The following KYAT1 variants were observed in gnomAD, a reference collection of about 807,000 sequenced individuals.
KYAT1 encodes kynurenine--oxoglutarate transaminase 1.
KYAT1 carries 47 observed loss-of-function variants against 52.4 expected under a neutral mutation model. The observed-to-expected ratio is 0.90, with a 90% CI of 0.71 to 1.14. The LOEUF is 1.14. Among genes scored for constraint, KYAT1 ranks in the 50% most tolerant of loss-of-function variants. The probability of loss-of-function intolerance (pLI) is 0.00; values close to 1 mark genes in which losing one functional copy is unlikely to be tolerated. For missense variants in KYAT1, 480 were observed against 557.9 expected (o/e 0.86, Z 1.41); for synonymous variants, 212 against 209.6 (o/e 1.01, Z -0.10).
At chr9:128,878,710 G>A (rs571142800) in intron 1 of KYAT1, among the ~76,000 whole-genome samples, 2 of 152,232 alleles carry the variant, frequency 1.3e-5, no homozygotes, top group East Asian at 1.9e-4. Context: ...GAGTCCAGAC[G>A]GCAGGTTTAC....
At position 128,835,845 on chromosome 9, in the gene KYAT1, ATCTGG is replaced by A; in HGVS notation, c.784_788del (p.Pro262SerfsTer30). ...CGGTCCGCAGGTGCTTCATGATGTG[ATCTGG>A]ACCCAGGACCCAGCCCACCTGCAGC... On this transcript the variant is annotated frameshift_variant, in exon 9 of 13. Transcript: ENST00000302586. LOFTEE classifies it high-confidence loss of function. 1.2e-6 allele frequency: 2 copies of A among 1,613,978 alleles called. No individual in the cohort carries two copies. The highest frequency in any genetic ancestry group is 2.2e-5 in the East Asian group (1 of 44,856).
chr9:128,861,972 G>A (rs868033100), intron 1 of KYAT1, among the ~76,000 whole-genome samples: 4 of 152,186 alleles, frequency 2.6e-5, no homozygotes, highest in Admixed American at 6.5e-5. Context: ...ACTACAGGAG[G>A]AGCTGGATTT....
intron 1 of KYAT1, among the ~76,000 whole-genome samples, chr9:128,873,525 T>G (rs751579348): frequency 1.3e-5 from 2 of 152,026 alleles, no homozygotes; most frequent in South Asian, 4.1e-4. Flanking sequence ...ATCCCAGCAC[T>G]TTGGGAGGCC....
chr9:128,846,784 G>A, intron 1 of KYAT1: 11 of 1,535,524 alleles, frequency 7.2e-6, no homozygotes, highest in Non-Finnish European at 8.7e-6. Flanking sequence ...GGAACCTTCC[G>A]TTCCTGTGGG....
At chr9:128,849,370 C>T (rs1172206294) in intron 1 of KYAT1, among the ~76,000 whole-genome samples, 1 of 128,876 alleles carries the variant, frequency 7.8e-6, no homozygotes, top group Non-Finnish European at 1.6e-5. Context: ...GAGATCACAC[C>T]ACTGCACTCC....
intron 1 of KYAT1, among the ~76,000 whole-genome samples, chr9:128,861,971 G>A (rs1835518059): frequency 6.6e-6 from 1 of 152,206 alleles, no homozygotes. Flanking sequence ...GACTACAGGA[G>A]GAGCTGGATT....
At position 128,837,728 on chromosome 9, in the gene KYAT1, G is replaced by C. The variant is rs756041155; in HGVS notation, c.524C>G (p.Thr175Ser). Residue 175 changes from threonine to serine, a missense_variant, in exon 6 of 13, where the codon ACC becomes AGC. By Grantham distance (58) the Thr-to-Ser change is moderately conservative. Transcript: ENST00000302586. ...MELAGKFTSR[T>S]KALVLNTPNN... ...GGGGGTGTTGAGGACCAGGGCTTTGGTGCGTGATGTGAATTTGCCGGCCAG... is the reference window on the plus strand; with the variant it reads ...GGGGGTGTTGAGGACCAGGGCTTTGCTGCGTGATGTGAATTTGCCGGCCAG... 4.3e-6 allele frequency: 7 copies of C among 1,614,142 alleles called. No individual in the cohort carries two copies. Among genetic ancestry groups the C allele is most frequent in the Non-Finnish European group, 5.9e-6 (7 of 1,180,024 alleles).
Position 128,835,356 on chromosome 9 carries a change from G to A in KYAT1, c.1089C>T (p.Asp363=). ...DLPGAVDEPY[D]RRFVKWMIKN... ...TGATCATCCACTTGACGAAGCGTCT[G>A]TCATAGGGCTCATCCACAGCTCCAG... The change falls in exon 11 of 13, where the codon GAC becomes GAT. Residue 363 remains aspartate, a synonymous_variant. Transcript: ENST00000302586. The A allele has an allele frequency of 6.2e-7, 1 of 1,613,964 alleles. No homozygotes were observed. The highest frequency in any genetic ancestry group is 8.5e-7 in the Non-Finnish European group (1 of 1,179,986).
At chr9:128,862,775 G>A (rs889237867) in intron 1 of KYAT1, among the ~76,000 whole-genome samples, 2 of 152,158 alleles carry the variant, frequency 1.3e-5, no homozygotes, top group African/African-American at 4.8e-5. Flanking sequence ...CAGTGCATCG[G>A]GCCTATGTGT....
intron 1 of KYAT1, among the ~76,000 whole-genome samples, chr9:128,862,578 C>T (rs575789886): frequency 2.0e-5 from 3 of 152,372 alleles, no homozygotes; most frequent in Non-Finnish European, 4.4e-5. Context: ...CCAGCCTTGG[C>T]CCCTTGCCTT....
At position 128,835,684 on chromosome 9, in the gene KYAT1, G is replaced by C. The variant is rs1830938489; in HGVS notation, c.856-17C>G. 1 of 1,608,312 alleles carries C rather than the reference G, an allele frequency of 6.2e-7. No homozygotes were observed. Among genetic ancestry groups the C allele is most frequent in the Admixed American group, 1.7e-5 (1 of 59,850 alleles). On this transcript the variant is annotated splice_polypyrimidine_tract_variant and intron_variant, in intron 9 of 12. Transcript: ENST00000302586. ...TACTGCAGCCTGGGCAGGGCAGATG[G>C]ACACACAGATAGATCAGCTGTTCCC...
chr9:128,837,920 CT>C (rs1220633155), intron 5 of KYAT1, 107 bp from the exon 6 acceptor site: 1 of 1,473,690 alleles, frequency 6.8e-7, no homozygotes, highest in Non-Finnish European at 9.5e-7. Context: ...ACACACACAC[CT>C]CCCCTCTGCC....
At chr9:128,845,492 G>T in intron 1 of KYAT1, 81 bp from the exon 2 acceptor site, 1 of 1,327,570 alleles carries the variant, frequency 7.5e-7, no homozygotes. Flanking sequence ...AGGGACAGCT[G>T]CTTTCAGGCC....
intron 10 of KYAT1, 34 bp downstream of exon 10, chr9:128,835,447 C>G: frequency 6.2e-7 from 1 of 1,613,842 alleles, no homozygotes; most frequent in Non-Finnish European, 8.5e-7. Context: ...CCTCCAGCCC[C>G]TGCGCCCTGC....
At chr9:128,863,755 C>A (rs1053388390) in intron 1 of KYAT1, among the ~76,000 whole-genome samples, 7 of 152,162 alleles carry the variant, frequency 4.6e-5, no homozygotes, top group African/African-American at 9.6e-5. Context: ...GCAGGGGGCG[C>A]AAGGAGCCAG....
rs768728530 is a variant in KYAT1, at chr9:128,836,804, A to G, written c.686T>C (p.Ile229Thr). The G allele has an allele frequency of 1.2e-5, 20 of 1,613,268 alleles. No individual in the cohort carries two copies. In the Admixed American group the frequency reaches 1.8e-4, roughly 15 times the overall value. The change falls in exon 7 of 13, where the codon ATT (isoleucine) becomes ACT (threonine). Residue 229 changes from isoleucine (I) to threonine (T), a missense_variant and splice_region_variant. Physicochemically the swap from Ile to Thr is moderately conservative, Grantham distance 89. Transcript: ENST00000302586. The part of the protein sequence containing the change: ...MVYDGHQHIS[I>T]ASLPGMWERT... ...GGCCCCAGGCTGGCTTGGCTCACCA[A>G]TGCTGATGTGCTGGTGCCCGTCGTA...
At chr9:128,847,812 C>G (rs553186062) in intron 1 of KYAT1, among the ~76,000 whole-genome samples, 58 of 152,234 alleles carry the variant, frequency 3.8e-4, no homozygotes, top group South Asian at 1.4e-3. Flanking sequence ...TTTCAAAACA[C>G]AAATCACCTC....
In KYAT1 at chr9:128,837,638, A is replaced by G. The variant is rs1381502235; in HGVS notation, c.567+47T>C. On this transcript the variant is annotated intron_variant, in intron 6 of 12. Coordinates refer to ENST00000302586, the MANE Select transcript of KYAT1 (RefSeq NM_004059.5). ...CAGCAACTCAGTAACAGTGCAGGAG[A>G]CATGACCAGGTCCGCAGGGGGCCAG... 3 of 1,610,296 alleles carry G rather than the reference A, an allele frequency of 1.9e-6. No homozygotes were observed. The South Asian group carries it at 3.3e-5, about 18-fold the overall frequency.
rs751383208 is a variant in KYAT1 at position 128,835,789 on chromosome 9, G to A, written c.845C>T (p.Thr282Met). 17 of 1,612,926 alleles carry A rather than the reference G, an allele frequency of 1.1e-5. No homozygotes were observed. The Admixed American group carries it at 1.2e-4, about 11-fold the overall frequency. ...CCTGCCCCTCTTCACCTGGCTCTGC[G>A]TGGGGCAGTGGAAGACGGAGTTCTG... ...VHQNSVFHCP[T>M]QSQAAVAESF... is the part of the protein sequence containing the mutation. Residue 282 changes from threonine to methionine, a missense_variant, in exon 9 of 13, where the codon ACG (threonine) becomes ATG (methionine). Thr to Met is a moderately conservative substitution (Grantham distance 81). Coordinates refer to ENST00000302586, the MANE Select transcript of KYAT1 (RefSeq NM_004059.5).
Sources: allele counts gnomAD v4.1 joint callset (sites outside exome capture counted in the v4.1 genomes callset), GRCh38; gene constraint gnomAD v4.1.1; transcripts MANE v1.5; gene names NCBI Gene and HGNC (gene_info 2026-07-23, HGNC 2026-07-21).